DGKK: variants seen among roughly 807,000 people sequenced by gnomAD.
The protein encoded by DGKK is diacylglycerol kinase kappa.
DGKK carries 35 observed loss-of-function variants against 92.2 expected under a neutral mutation model. The ratio of observed to expected loss-of-function variants is 0.38; its 90% CI spans 0.29 to 0.50. The LOEUF (loss-of-function observed/expected upper bound fraction) is 0.50, where lower values mean the gene tolerates loss of function less well. DGKK is among the 20% of genes least tolerant of loss of function. The probability of loss-of-function intolerance (pLI) is 0.92; values close to 1 mark genes in which losing one functional copy is unlikely to be tolerated. For synonymous variants in DGKK, 368 were observed against 360.6 expected (o/e 1.02, Z -0.23); for missense variants, 910 against 992.2 (o/e 0.92, Z 1.11).
At chrX:50,466,247 C>A (rs1926908029) in intron 1 of DGKK, among the ~76,000 whole-genome samples, 1 of 109,894 alleles carries the variant, frequency 9.1e-6, no homozygotes, top group African/African-American at 3.3e-5. Flanking sequence ...CAAAGCTTGG[C>A]AAGGAGGGGG....
At chrX:50,386,726 T>A in intron 14 of DGKK, 140 bp from the exon 15 acceptor site, 1 of 488,252 alleles carries the variant, frequency 2.0e-6, no homozygotes, top group Non-Finnish European at 3.4e-6. Context: ...AAACCACATG[T>A]GAGAAGATGA....
chrX:50,369,348 G>A (rs782547794), intron 27 of DGKK, among the ~76,000 whole-genome samples: 95 of 111,132 alleles, frequency 8.5e-4, no homozygotes, highest in Non-Finnish European at 1.6e-3. Flanking sequence ...AATACAGCTC[G>A]ATCCAAGAGA....
At chrX:50,384,578 T>C in intron 16 of DGKK, 142 bp downstream of exon 16, 1 of 524,036 alleles carries the variant, frequency 1.9e-6, no homozygotes. Flanking sequence ...TCTTATAGTG[T>C]GAGTTTCTGG....
rs782432181 is a variant in DGKK, at chrX:50,461,965, T to C, written c.645+8069A>G. On this transcript the variant is annotated intron_variant, in intron 1 of 27. Coordinates refer to ENST00000611977, the MANE Select transcript of DGKK (RefSeq NM_001013742.4). ...AGGATGGATCACCTCCATTACTGAG[T>C]TGGCGAAGGGTCCTTCCCTGTTAGG... Among the ~76,000 whole-genome samples the C allele has an allele frequency of 8.1e-5, 9 of 111,102 alleles. 1 individual carries two copies. The highest frequency in any genetic ancestry group is 1.3e-4 in the Non-Finnish European group (7 of 52,925).
intron 11 of DGKK, among the ~76,000 whole-genome samples, chrX:50,390,971 T>C (rs1364709992): frequency 7.1e-5 from 8 of 112,131 alleles, no homozygotes; most frequent in Non-Finnish European, 1.5e-4. Context: ...GATGAAATTA[T>C]AGACTTTTCC....
At chrX:50,373,430 G>A (rs1924193179) in intron 25 of DGKK, among the ~76,000 whole-genome samples, 1 of 112,156 alleles carries the variant, frequency 8.9e-6, no homozygotes, top group Non-Finnish European at 1.9e-5. Flanking sequence ...GCTCAAGTTG[G>A]GTTGTTGGTT....
intron 8 of DGKK, among the ~76,000 whole-genome samples, chrX:50,399,154 C>T (rs1219827994): frequency 8.9e-6 from 1 of 111,835 alleles, no homozygotes; most frequent in Non-Finnish European, 1.9e-5. Flanking sequence ...CTGCAGAAAC[C>T]TGTATGAATG....
chrX:50,376,243 G>A (rs1557223841), intron 23 of DGKK, 78 bp from the exon 24 acceptor site: 3 of 1,086,475 alleles, frequency 2.8e-6, no homozygotes, highest in Non-Finnish European at 3.7e-6. Flanking sequence ...GAGGGTTTGG[G>A]TAAGGGTAGA....
At chrX:50,395,149 C>T (rs1011393453) in intron 8 of DGKK, among the ~76,000 whole-genome samples, 5 of 111,096 alleles carry the variant, frequency 4.5e-5, no homozygotes, top group Non-Finnish European at 7.6e-5. Flanking sequence ...TGAGACGTCA[C>T]GAGTCAGGTC....
chrX:50,374,201 G>A (rs1183153961), intron 25 of DGKK, among the ~76,000 whole-genome samples: 1 of 111,885 alleles, frequency 8.9e-6, no homozygotes, highest in African/African-American at 3.3e-5. Flanking sequence ...ATATTGGATA[G>A]GGTAGGCCCC....
At chrX:50,437,224 T>C (rs984016466) in intron 1 of DGKK, among the ~76,000 whole-genome samples, 12 of 111,715 alleles carry the variant, frequency 1.1e-4, no homozygotes, top group African/African-American at 3.9e-4. Flanking sequence ...CCCTAGAACC[T>C]ACTGCTACCT....
At chrX:50,461,445 A>C in intron 1 of DGKK, among the ~76,000 whole-genome samples, 1 of 112,342 alleles carries the variant, frequency 8.9e-6, no homozygotes, top group East Asian at 2.8e-4. Context: ...ATTATCTCTG[A>C]GTGGTGGGGT....
At chrX:50,426,681 C>T (rs782242661) in intron 1 of DGKK, among the ~76,000 whole-genome samples, 87 of 111,330 alleles carry the variant, frequency 7.8e-4, no homozygotes, top group African/African-American at 2.7e-3. Flanking sequence ...TTCTATATCT[C>T]CCCATAATTA....
intron 13 of DGKK, 106 bp downstream of exon 13, chrX:50,388,421 A>G: frequency 1.9e-6 from 1 of 534,184 alleles, no homozygotes; most frequent in Non-Finnish European, 3.1e-6. Flanking sequence ...TGATTTGGGA[A>G]CATAAACATG....
At position 50,408,957 on chromosome X, in the gene DGKK, G is replaced by T. The variant is rs1020420289; in HGVS notation, c.943-4773C>A. 2.7e-5 allele frequency among the ~76,000 whole-genome samples: 3 copies of T among 111,517 alleles called. No homozygotes were observed. In the South Asian group the frequency reaches 1.2e-3, roughly 43 times the overall value. On this transcript the variant is annotated intron_variant, in intron 4 of 27. Transcript: ENST00000611977. ...GCACATTGGAAGGACATGAATTTGG[G>T]GGGGACTAGAGGGTGGACTCTTGTG...
At chrX:50,464,156 G>T (rs367598425) in intron 1 of DGKK, among the ~76,000 whole-genome samples, 1,090 of 94,241 alleles carry the variant, frequency 0.012, 15 homozygotes, top group African/African-American at 0.039. Context: ...TTTTTTTTTG[G>T]TTGTGTTTTG....
At chrX:50,386,706 T>G (rs1181650467) in intron 14 of DGKK, 120 bp from the exon 15 acceptor site, 1 of 566,436 alleles carries the variant, frequency 1.8e-6, no homozygotes, top group African/African-American at 2.3e-5. Context: ...CCATAAATGC[T>G]GAGCATAGAA....
chrX:50,436,905 G>A (rs1321244240), intron 1 of DGKK, among the ~76,000 whole-genome samples: 6 of 111,283 alleles, frequency 5.4e-5, no homozygotes, highest in African/African-American at 2.0e-4. Context: ...ATATTTCAAA[G>A]CCTAGTTTTA....
chrX:50,442,378 C>A (rs1479472047), intron 1 of DGKK, among the ~76,000 whole-genome samples: 1 of 111,450 alleles, frequency 9.0e-6, no homozygotes, highest in Non-Finnish European at 1.9e-5. Flanking sequence ...ACAAACAAAC[C>A]TATTAAACTT....
Sources: allele counts gnomAD v4.1 joint callset (sites outside exome capture counted in the v4.1 genomes callset), GRCh38; gene constraint gnomAD v4.1.1; transcripts MANE v1.5; gene names NCBI Gene and HGNC (gene_info 2026-07-23, HGNC 2026-07-21).